Variants in MATN4 observed in about 807,000 individuals in gnomAD.
MATN4 encodes matrilin 4, also known as matrilin-4.
MATN4 carries 40 observed loss-of-function variants against 54.6 expected under a neutral mutation model. That is an observed-to-expected ratio of 0.73 (90% CI 0.57 to 0.95). The LOEUF (loss-of-function observed/expected upper bound fraction) is 0.95. MATN4 is among the 40% of genes least tolerant of loss of function. MATN4 has a pLI of 0.00. For missense variants in MATN4, 810 were observed against 819.1 expected, an observed-to-expected ratio of 0.99 and a Z score of 0.13; for synonymous variants, 351 against 345.3, an observed-to-expected ratio of 1.02 and a Z score of -0.18.
chr20:45,304,461 C>G lies in MATN4; in HGVS notation c.410G>C (p.Arg137Pro), dbSNP rs768315826. The change falls in exon 3 of 10, where the codon CGC becomes CCC. Residue 137 changes from arginine to proline, a missense_variant. Coordinates refer to ENST00000372756, the MANE Select transcript of MATN4 (RefSeq NM_001393530.1). ...CACGATGACAGCGACACGCGGCACG[C>G]GCTCCTCTGGCGGTCGCGCGCCCTC... ...VAEGARPPEE[R>P]VPRVAVIVTD... The G allele has an allele frequency of 1.3e-6, 2 of 1,562,930 alleles. No individual in the cohort carries two copies. The highest frequency in any genetic ancestry group is 1.7e-6 in the Non-Finnish European group (2 of 1,147,700).
upstream of MATN4, chr20:45,308,634 G>C: frequency 1.2e-5 from 3 of 249,696 alleles, no homozygotes; most frequent in Admixed American, 1.4e-4. Flanking sequence ...CCTGGCTTTC[G>C]AGGGTGCGGT....
At chr20:45,307,653 C>CT (rs768464169) in intron 1 of MATN4, among the ~76,000 whole-genome samples, 2 of 152,212 alleles carry the variant, frequency 1.3e-5, no homozygotes, top group African/African-American at 4.8e-5. Flanking sequence ...ACCTGGCACC[C>CT]TGCCTCCACC....
At chr20:45,297,427 T>C (rs1165133757) in intron 8 of MATN4, among the ~76,000 whole-genome samples, 2 of 143,582 alleles carry the variant, frequency 1.4e-5, no homozygotes, top group East Asian at 3.9e-4. Flanking sequence ...ATGAGGTATG[T>C]TGTCCCCAAT....
chr20:45,303,327 G>A, intron 3 of MATN4: 1 of 688,348 alleles, frequency 1.5e-6, no homozygotes. Flanking sequence ...CTGATGTTGG[G>A]GCAATGGAGA....
intron 3 of MATN4, among the ~76,000 whole-genome samples, chr20:45,302,454 G>C (rs1986291143): frequency 6.6e-6 from 1 of 152,168 alleles, no homozygotes; most frequent in Admixed American, 6.5e-5. Context: ...AATTGAATAA[G>C]CGAGGTATTC....
Position 45,297,900 on chromosome 20 carries a change from C to CGA in MATN4, c.1579+16_1579+17dup. The CGA allele has an allele frequency of 6.2e-7, 1 of 1,613,680 alleles. No individual in the cohort carries two copies. The highest frequency in any genetic ancestry group is 8.5e-7 in the Non-Finnish European group (1 of 1,179,694). The stretch of plus-strand genomic sequence containing the variant: ...GGGCAATGAGAGAGAGGAGGAGCCC[C>CGA]GAGAGAGATGCGCTCACCTGGACAG... On this transcript the variant is annotated intron_variant, in intron 8 of 9. Coordinates refer to ENST00000372756, the MANE Select transcript of MATN4 (RefSeq NM_001393530.1).
rs1464719418 is a variant in MATN4, at chr20:45,298,404, G to A, written c.1192C>T (p.Pro398Ser). Residue 398 changes from proline to serine, a missense_variant, in exon 7 of 10, where the codon CCT becomes TCT. By Grantham distance (74) the Pro-to-Ser change is moderately conservative. Coordinates refer to ENST00000372756, the MANE Select transcript of MATN4 (RefSeq NM_001393530.1). This position sits in a 1 kb window ranked among gnomAD's most constrained non-coding sequence, Gnocchi z 4.6. ...GCTGCGGTGCCGTAGCGACCCAGAGGGAACTCGGTGCGCACGCGGCTCGAG... is the reference window on the plus strand; with the variant it reads ...GCTGCGGTGCCGTAGCGACCCAGAGAGAACTCGGTGCGCACGCGGCTCGAG... ...QFSSRVRTEFPLGRYGTAAEV... is the reference protein window; with the variant it reads ...QFSSRVRTEFSLGRYGTAAEV... The A allele has an allele frequency of 1.2e-6, 2 of 1,612,784 alleles. No homozygotes were observed. Among genetic ancestry groups the A allele is most frequent in the Non-Finnish European group, 1.7e-6 (2 of 1,179,478 alleles).
At chr20:45,294,293 C>T (rs1380339600) in intron 8 of MATN4, among the ~76,000 whole-genome samples, 1 of 150,974 alleles carries the variant, frequency 6.6e-6, no homozygotes, top group South Asian at 2.1e-4. Flanking sequence ...TGTGTGCTCA[C>T]GCACAACTTA....
At chr20:45,308,487 T>G (rs2235226), upstream of MATN4, 246,380 of 541,650 alleles carry the variant, frequency 0.45, 59,415 homozygotes, top group African/African-American at 0.59. Flanking sequence ...CAGGCTGGAA[T>G]TCAGCTACAG....
At chr20:45,307,334 G>A (rs968264782) in intron 1 of MATN4, among the ~76,000 whole-genome samples, 3 of 152,112 alleles carry the variant, frequency 2.0e-5, no homozygotes, top group Admixed American at 1.3e-4. Context: ...CTCACTCCAG[G>A]CGACCTTCTC....
chr20:45,303,896 T>A (rs1401177979), intron 3 of MATN4, among the ~76,000 whole-genome samples: 1 of 152,194 alleles, frequency 6.6e-6, no homozygotes, highest in Non-Finnish European at 1.5e-5. Context: ...GTCATCCCCA[T>A]GTGGGAGGGC....
In MATN4 at chr20:45,301,136, G is replaced by A. The variant is rs761959988; in HGVS notation, c.855C>T (p.Gly285=). ...PGGPRCHCRE[G]HDLQPDGRSC... is the part of the protein sequence containing the mutation. ...TCCTCCCATCAGGCTGCAAGTCATG[G>A]CCCTCTCTGCAGTGGCACCGTGGCC... is the stretch of plus-strand genomic sequence containing the variant. The change falls in exon 5 of 10, where the codon GGC becomes GGT. Residue 285 remains glycine, a synonymous_variant. Transcript: ENST00000372756. The A allele has an allele frequency of 2.5e-6, 4 of 1,614,076 alleles. No individual in the cohort carries two copies. The African/African-American group carries it at 4.0e-5, about 16-fold the overall frequency.
At chr20:45,301,502 C>A in intron 3 of MATN4, 59 bp from the exon 4 acceptor site, 1 of 1,558,056 alleles carries the variant, frequency 6.4e-7, no homozygotes. Context: ...TCTGGTAGCA[C>A]AACCACCTAA....
rs114460965 is a variant in MATN4 at position 45,298,020 on chromosome 20, G to T, written c.1477C>A (p.Arg493Ser). 6.2e-7 allele frequency: 1 copy of T among 1,613,954 alleles called. No homozygotes were observed. Among genetic ancestry groups the T allele is most frequent in the Non-Finnish European group, 8.5e-7 (1 of 1,179,974 alleles). Reference sequence around the variant, plus strand: ...TCCGCTGGCTCCGAGGCGATCTCGCGCAGCTCCGCCTCCACCGCCTTGCCC... The same window carrying T: ...TCCGCTGGCTCCGAGGCGATCTCGCTCAGCTCCGCCTCCACCGCCTTGCCC... ...GVGKAVEAEL[R>S]EIASEPAELH... is the part of the protein sequence containing the mutation. Residue 493 changes from arginine (R) to serine (S), a missense_variant, in exon 8 of 10, where the codon CGC (arginine) becomes AGC (serine). Transcript: ENST00000372756. The surrounding 1 kb of genome is among the most constrained non-coding windows in gnomAD (Gnocchi z 4.6).
Position 45,298,690 on chromosome 20 carries a change from A to G in MATN4, c.1013-107T>C. ...AAACATTTATTATATAACAGACAAC[A>G]TTTCCTGAGTCCTTCCTGTGCCAGG... On this transcript the variant is annotated intron_variant, in intron 6 of 9. Coordinates refer to ENST00000372756, the MANE Select transcript of MATN4 (RefSeq NM_001393530.1). The surrounding 1 kb of genome is among the most constrained non-coding windows in gnomAD (Gnocchi z 4.6). 1 of 847,814 alleles carries G rather than the reference A, an allele frequency of 1.2e-6. No individual in the cohort carries two copies. The highest frequency in any genetic ancestry group is 2.7e-5 in the East Asian group (1 of 36,436). The allele number at this position is 847,814 out of a possible 1,614,324, so 52.5% of individuals were successfully genotyped here. A position where few individuals can be genotyped will look rare whatever the true frequency, so the allele number is the denominator to read the frequency against.
intron 9 of MATN4, 28 bp downstream of exon 9, chr20:45,293,880 A>C: frequency 6.2e-7 from 1 of 1,606,968 alleles, no homozygotes; most frequent in East Asian, 2.2e-5. Flanking sequence ...CTTTCCCTCC[A>C]GCCCGCGCCA....
At chr20:45,306,973 A>G (rs979566809) in intron 1 of MATN4, 1 of 1,243,588 alleles carries the variant, frequency 8.0e-7, no homozygotes, top group Non-Finnish European at 1.0e-6. Context: ...GAGGCCCCGG[A>G]GACGCCCCGT....
intron 3 of MATN4, among the ~76,000 whole-genome samples, chr20:45,302,007 C>T (rs748919551): frequency 3.3e-5 from 5 of 151,910 alleles, no homozygotes; most frequent in African/African-American, 9.7e-5. Context: ...ATGAGTTTTT[C>T]GTGTGTGTGT....
At position 45,295,844 on chromosome 20, in the gene MATN4, G is replaced by A. The variant is rs186005688; in HGVS notation, c.1580-1829C>T. ...AACTGGCACATGTTTTTTCTTAGCA[G>A]TACATAAGGTAGTGATGAATCTTAA... On this transcript the variant is annotated intron_variant, in intron 8 of 9. Coordinates refer to ENST00000372756, the MANE Select transcript of MATN4 (RefSeq NM_001393530.1). Among the ~76,000 whole-genome samples, 19 of 152,260 alleles carry A rather than the reference G, an allele frequency of 1.2e-4. No individual in the cohort carries two copies. In the East Asian group the frequency reaches 3.3e-3, roughly 26 times the overall value.
Sources: gnomAD v4.1 joint callset for allele counts (sites outside exome capture counted in the v4.1 genomes callset) on GRCh38, gnomAD v4.1.1 for gene constraint, Gnocchi (gnomAD v3.1) non-coding constraint, MANE v1.5 for transcripts, NCBI Gene and HGNC (gene_info 2026-07-23, HGNC 2026-07-21) for gene names.